The following PDE1C variants were observed in gnomAD, a reference collection of about 807,000 sequenced individuals.
PDE1C encodes the protein dual specificity calcium/calmodulin-dependent 3',5'-cyclic nucleotide phosphodiesterase 1C.
A neutral mutation model predicts 93.1 loss-of-function variants in PDE1C; 62 were observed. That is an observed-to-expected ratio of 0.67 (90% CI 0.54 to 0.82). The LOEUF is 0.82. PDE1C is among the 40% of genes least tolerant of loss of function. The pLI is 0.00. For missense variants in PDE1C, 742 were observed against 884.6 expected, an observed-to-expected ratio of 0.84 and a Z score of 2.04; for synonymous variants, 325 against 310.1, an observed-to-expected ratio of 1.05 and a Z score of -0.50.
At chr7:32,007,902 T>C (rs908211023) in intron 2 of PDE1C, among the ~76,000 whole-genome samples, 1 of 152,222 alleles carries the variant, frequency 6.6e-6, no homozygotes, top group African/African-American at 2.4e-5. Context: ...AGACATTCTC[T>C]CTAGAAAGAC....
chr7:31,786,152 T>C (rs1360291097), intron 16 of PDE1C: 2 of 152,222 alleles, frequency 1.3e-5, no homozygotes, highest in Non-Finnish European at 1.5e-5. Context: ...ATCTATTTGC[T>C]GTAGGAGAGT....
intron 3 of PDE1C, among the ~76,000 whole-genome samples, chr7:32,166,747 G>T (rs1166903827): frequency 1.3e-5 from 2 of 152,214 alleles, no homozygotes; most frequent in Admixed American, 1.3e-4. Flanking sequence ...CAGAGTGTTT[G>T]CAGGCCATAC....
chr7:31,646,878 CA>C, the PDE1C span, among the ~76,000 whole-genome samples: 27 of 151,992 alleles, frequency 1.8e-4, no homozygotes, highest in South Asian at 5.0e-3. Flanking sequence ...TGCAATTATA[CA>C]AAAAAAGGTA....
intron 3 of PDE1C, among the ~76,000 whole-genome samples, chr7:32,132,739 T>C (rs938813671): frequency 2.0e-5 from 3 of 152,140 alleles, no homozygotes; most frequent in African/African-American, 7.2e-5. Flanking sequence ...GGGGCAAGAA[T>C]AGAATCAAGG....
At chr7:32,374,726 A>G (rs1387423978) in intron 1 of PDE1C, among the ~76,000 whole-genome samples, 1 of 152,192 alleles carries the variant, frequency 6.6e-6, no homozygotes, top group Non-Finnish European at 1.5e-5. Flanking sequence ...AGCCACTAAG[A>G]CTTTGGGGTG....
At chr7:32,196,414 T>C (rs1167338019) in intron 2 of PDE1C, among the ~76,000 whole-genome samples, 1 of 152,072 alleles carries the variant, frequency 6.6e-6, no homozygotes, top group Non-Finnish European at 1.5e-5. Flanking sequence ...ATTTCCAGGT[T>C]TTTATCTTTT....
chr7:32,061,137 A>C (rs1012577956), intron 1 of PDE1C, among the ~76,000 whole-genome samples: 1 of 152,242 alleles, frequency 6.6e-6, no homozygotes, highest in South Asian at 2.1e-4. Context: ...ATCTGGATAA[A>C]CAACAGTTTA....
chr7:31,675,753 A>G, the PDE1C span, among the ~76,000 whole-genome samples: 7 of 151,934 alleles, frequency 4.6e-5, no homozygotes, highest in Non-Finnish European at 1.0e-4. Context: ...TGTGTGCTAA[A>G]TTTATAAAGA....
At chr7:31,969,908 C>T (rs1413907426) in intron 2 of PDE1C, among the ~76,000 whole-genome samples, 2 of 151,960 alleles carry the variant, frequency 1.3e-5, no homozygotes, top group East Asian at 1.9e-4. Flanking sequence ...AACCAAACAC[C>T]GCATGTTCTC....
At chr7:31,866,719 A>T (rs1222170741) in intron 6 of PDE1C, among the ~76,000 whole-genome samples, 1 of 152,166 alleles carries the variant, frequency 6.6e-6, no homozygotes, top group Non-Finnish European at 1.5e-5. Flanking sequence ...GAGAAGTAAG[A>T]GGAAACACCT....
At chr7:31,828,195 G>T in intron 12 of PDE1C, 97 bp downstream of exon 12, 1 of 907,192 alleles carries the variant, frequency 1.1e-6, no homozygotes, top group Non-Finnish European at 1.8e-6. Context: ...GCAGAATGGA[G>T]CCAGTTTCCC....
the PDE1C span, among the ~76,000 whole-genome samples, chr7:31,702,651 G>C: frequency 6.6e-6 from 1 of 152,310 alleles, no homozygotes; most frequent in East Asian, 1.9e-4. Context: ...CTTGTTGCCT[G>C]TATTGTCGCT....
rs113166931 is a variant in PDE1C, at chr7:31,887,517, A to G, written c.129-6657T>C. On this transcript the variant is annotated intron_variant, in intron 2 of 17. Transcript: ENST00000396191. ...TGCATACTTATGTTTCTATACTTTT[A>G]TATGCCTCACTACATAACTTGTTAA... Among the ~76,000 whole-genome samples the G allele has an allele frequency of 4.1e-3, 619 of 152,322 alleles. 6 individuals carry two copies. Among genetic ancestry groups the G allele is most frequent in the African/African-American group, 0.014 (596 of 41,568 alleles).
chr7:31,748,496 C>T (rs138342182), downstream of PDE1C, among the ~76,000 whole-genome samples: 4 of 152,310 alleles, frequency 2.6e-5, 1 homozygote, highest in African/African-American at 9.6e-5. Context: ...GTTAAAGATG[C>T]AGTTAAAATA....
intron 3 of PDE1C, among the ~76,000 whole-genome samples, chr7:32,122,787 A>C (rs1336521329): frequency 6.6e-6 from 1 of 152,194 alleles, no homozygotes; most frequent in Non-Finnish European, 1.5e-5. Flanking sequence ...TGACACCCTA[A>C]AAACACAATT....
chr7:32,346,268 G>C (rs1310249351), intron 1 of PDE1C, among the ~76,000 whole-genome samples: 1 of 152,218 alleles, frequency 6.6e-6, no homozygotes, highest in East Asian at 1.9e-4. Context: ...TTTTGTAAGT[G>C]AAATCTAATA....
the PDE1C span, chr7:31,695,664 T>C: frequency 6.4e-7 from 1 of 1,559,100 alleles, no homozygotes. Flanking sequence ...GGAGAGCCAC[T>C]TGCCACTAGG....
chr7:32,375,247 C>T (rs1024215290), intron 1 of PDE1C, among the ~76,000 whole-genome samples: 1 of 152,130 alleles, frequency 6.6e-6, no homozygotes, highest in Non-Finnish European at 1.5e-5. Context: ...CCTCAAGTGG[C>T]CTCAAGCTCC....
At chr7:31,709,527 G>A in the PDE1C span, among the ~76,000 whole-genome samples, 1 of 152,142 alleles carries the variant, frequency 6.6e-6, no homozygotes, top group Non-Finnish European at 1.5e-5. Context: ...CCGCAATTAT[G>A]AGACTCAACT....
Sources: gnomAD v4.1 joint callset for allele counts (sites outside exome capture counted in the v4.1 genomes callset) on GRCh38, gnomAD v4.1.1 for gene constraint, MANE v1.5 for transcripts, NCBI Gene and HGNC (gene_info 2026-07-23, HGNC 2026-07-21) for gene names.